Variants in NCOR1 observed in about 807,000 individuals in gnomAD.
The protein encoded by NCOR1 is nuclear receptor corepressor 1.
NCOR1 carries 63 observed loss-of-function variants against 288.1 expected under a neutral mutation model. The ratio of observed to expected loss-of-function variants is 0.22; its 90% CI spans 0.18 to 0.27. NCOR1 has a LOEUF of 0.27. Ranked by LOEUF, NCOR1 falls within the 10% of genes least tolerant of loss-of-function variation. NCOR1 has a pLI of 1.00. For synonymous variants in NCOR1, 1,007 were observed against 1,065.9 expected, an observed-to-expected ratio of 0.94 and a Z score of 1.08; for missense variants, 2,397 against 3,019.2, an observed-to-expected ratio of 0.79 and a Z score of 4.83.
intron 40 of NCOR1, among the ~76,000 whole-genome samples, chr17:16,054,010 GCTT>G (rs2059612806): frequency 6.7e-6 from 1 of 148,564 alleles, no homozygotes; most frequent in South Asian, 2.1e-4. Context: ...CTGAAACTGG[GCTT>G]CTTCTTTATA....
chr17:16,102,257 T>C (rs749314176), intron 19 of NCOR1, among the ~76,000 whole-genome samples: 45 of 152,122 alleles, frequency 3.0e-4, no homozygotes, highest in Non-Finnish European at 5.9e-4. Flanking sequence ...AAGAAGAAAT[T>C]GGTCAAATAA....
At chr17:16,202,310 A>C (rs2090939814) in intron 1 of NCOR1, among the ~76,000 whole-genome samples, 1 of 151,466 alleles carries the variant, frequency 6.6e-6, no homozygotes, top group Non-Finnish European at 1.5e-5. Flanking sequence ...CTGAGACACG[A>C]GAATCACTTG....
At chr17:16,056,608 G>C (rs577406141) in intron 40 of NCOR1, among the ~76,000 whole-genome samples, 1 of 151,876 alleles carries the variant, frequency 6.6e-6, no homozygotes, top group Non-Finnish European at 1.5e-5. Flanking sequence ...GAGCCACCAC[G>C]CCCGGCCTTC....
At chr17:16,179,404 C>T (rs560335091) in intron 3 of NCOR1, among the ~76,000 whole-genome samples, 1 of 152,048 alleles carries the variant, frequency 6.6e-6, no homozygotes, top group African/African-American at 2.4e-5. Context: ...CACAACCTAC[C>T]AAGATTGAGT....
Position 16,030,037 on chromosome 17 carries a change from A to G in NCOR1, c.*2259T>C, listed in dbSNP as rs1186610268. 5.7e-6 allele frequency: 1 copy of G among 173,940 alleles called. No homozygotes were observed. The highest frequency in any genetic ancestry group is 2.4e-5 in the African/African-American group (1 of 42,138). The allele number at this position is 173,940 out of a possible 1,614,324, so 10.8% of individuals were successfully genotyped here. A position where few individuals can be genotyped will look rare whatever the true frequency, so the allele number is the denominator to read the frequency against. Reference sequence around the variant, plus strand: ...TCCACATCTAACTTTGACTCCTCCAAAACTTAACTACTCATGGCCTACTGC... The same window carrying G: ...TCCACATCTAACTTTGACTCCTCCAGAACTTAACTACTCATGGCCTACTGC... On this transcript the variant is annotated 3_prime_UTR_variant, in exon 46 of 46. Coordinates refer to ENST00000268712, the MANE Select transcript of NCOR1 (RefSeq NM_006311.4).
intron 31 of NCOR1, among the ~76,000 whole-genome samples, chr17:16,069,626 G>A (rs958199348): frequency 9.9e-5 from 15 of 152,228 alleles, no homozygotes; most frequent in Middle Eastern, 3.4e-3. Context: ...CGAGCCCTTC[G>A]TAAATACTCG....
At chr17:16,163,544 G>A (rs1433173190) in intron 5 of NCOR1, among the ~76,000 whole-genome samples, 2 of 152,030 alleles carry the variant, frequency 1.3e-5, no homozygotes, top group Admixed American at 6.5e-5. Context: ...GGAAAAAATG[G>A]AACCTCCATA....
At chr17:16,201,932 A>T (rs1047658559) in intron 1 of NCOR1, among the ~76,000 whole-genome samples, 4 of 151,938 alleles carry the variant, frequency 2.6e-5, no homozygotes, top group Non-Finnish European at 5.9e-5. Context: ...TCTACTAAAA[A>T]TACAAAAAAT....
intron 18 of NCOR1, among the ~76,000 whole-genome samples, chr17:16,117,234 A>G (rs2071811721): frequency 6.6e-6 from 1 of 152,166 alleles, no homozygotes; most frequent in Non-Finnish European, 1.5e-5. Context: ...TCAATCTCCA[A>G]AAAGTTTGTA....
chr17:16,132,588 A>G (rs2075806702), intron 14 of NCOR1, among the ~76,000 whole-genome samples: 3 of 152,220 alleles, frequency 2.0e-5, no homozygotes, highest in Admixed American at 2.0e-4. Context: ...AGTCTCTATC[A>G]GAATTTGGAG....
At chr17:16,148,255 G>A (rs1053697316) in intron 9 of NCOR1, among the ~76,000 whole-genome samples, 17 of 152,228 alleles carry the variant, frequency 1.1e-4, no homozygotes, top group African/African-American at 3.9e-4. Context: ...CTGGCTCCCA[G>A]ACCTTCACTT....
intron 26 of NCOR1, 48 bp from the exon 27 acceptor site, chr17:16,075,750 G>T: frequency 6.2e-7 from 1 of 1,600,288 alleles, no homozygotes; most frequent in Non-Finnish European, 8.5e-7. Context: ...TCGAGTTTAG[G>T]GAAAACACAA....
chr17:16,169,026 T>C (rs2082603385), intron 4 of NCOR1, among the ~76,000 whole-genome samples: 1 of 151,660 alleles, frequency 6.6e-6, no homozygotes, highest in African/African-American at 2.4e-5. Context: ...GTAACCTAAA[T>C]GTATGACAAT....
At chr17:16,158,689 C>A in intron 6 of NCOR1, 71 bp downstream of exon 6, 1 of 824,244 alleles carries the variant, frequency 1.2e-6, no homozygotes. Context: ...TACCAGGATA[C>A]ATTCAAAACT....
intron 23 of NCOR1, 53 bp downstream of exon 23, chr17:16,086,229 T>C (rs1313201417): frequency 1.2e-5 from 19 of 1,559,354 alleles, no homozygotes; most frequent in Non-Finnish European, 3.5e-6. Context: ...GAGGACAAGT[T>C]TTAACAAAGC....
intron 37 of NCOR1, among the ~76,000 whole-genome samples, chr17:16,059,273 C>T (rs1022116324): frequency 6.6e-6 from 1 of 152,028 alleles, no homozygotes; most frequent in Non-Finnish European, 1.5e-5. Flanking sequence ...CTTAGAAAAA[C>T]GCTGAGGCTA....
At chr17:16,153,696 A>C (rs1007191880) in intron 6 of NCOR1, among the ~76,000 whole-genome samples, 6 of 152,212 alleles carry the variant, frequency 3.9e-5, no homozygotes, top group Admixed American at 3.9e-4. Context: ...GTTTTAAAAA[A>C]GCAAACAATT....
chr17:16,184,808 AC>A (rs1361192071), intron 3 of NCOR1, among the ~76,000 whole-genome samples: 1 of 152,134 alleles, frequency 6.6e-6, no homozygotes, highest in African/African-American at 2.4e-5. Flanking sequence ...AGATATAAAA[AC>A]AATCTAAGTG....
chr17:16,072,289 C>G (rs554608603), intron 28 of NCOR1, 61 bp from the exon 29 acceptor site: 1 of 1,253,774 alleles, frequency 8.0e-7, no homozygotes, highest in East Asian at 2.4e-5. Context: ...CTCACATATA[C>G]TGAATGCTGT....
Sources: allele counts gnomAD v4.1 joint callset (sites outside exome capture counted in the v4.1 genomes callset), GRCh38; gene constraint gnomAD v4.1.1; transcripts MANE v1.5; gene names NCBI Gene and HGNC (gene_info 2026-07-23, HGNC 2026-07-21).